Variants in FAM83D observed in about 807,000 individuals in gnomAD.
FAM83D encodes the protein protein FAM83D.
In FAM83D, 26 loss-of-function variants were observed where a neutral mutation model predicts 25.4. That is an observed-to-expected ratio of 1.02 (90% CI 0.75 to 1.42). The LOEUF (loss-of-function observed/expected upper bound fraction) is 1.42. FAM83D is among the 40% of genes most tolerant of loss of function. FAM83D has a pLI of 0.00. For missense variants in FAM83D, 740 were observed against 758.1 expected (o/e 0.98, Z 0.28); for synonymous variants, 310 against 318.5 (o/e 0.97, Z 0.28).
At chr20:38,935,020 T>G (rs1464691036) in intron 1 of FAM83D, among the ~76,000 whole-genome samples, 1 of 152,208 alleles carries the variant, frequency 6.6e-6, no homozygotes, top group African/African-American at 2.4e-5. Context: ...ATAATACACA[T>G]GTTTATATAA....
intron 1 of FAM83D, among the ~76,000 whole-genome samples, chr20:38,932,100 G>A (rs1301054854): frequency 6.6e-6 from 1 of 152,194 alleles, no homozygotes. Context: ...AAAACAAATG[G>A]TTTGGCCATG....
At chr20:38,936,268 G>C (rs1242895998) in intron 1 of FAM83D, among the ~76,000 whole-genome samples, 1 of 152,136 alleles carries the variant, frequency 6.6e-6, no homozygotes, top group Non-Finnish European at 1.5e-5. Flanking sequence ...GCCTGTTGGG[G>C]CTGCACATGT....
chr20:38,926,712 C>CG lies in FAM83D; in HGVS notation c.272dup (p.Ser92LeufsTer123). On this transcript the variant is annotated frameshift_variant, in exon 1 of 4. Transcript: ENST00000619850. LOFTEE classifies it high-confidence loss of function. ...CGGCGGCGGCGGCCGAGGACTCGTT[C>CG]GGCTCCTCGCACGACTGCTCTTCGG... The CG allele has an allele frequency of 6.6e-7, 1 of 1,520,858 alleles. No individual in the cohort carries two copies. Among genetic ancestry groups the CG allele is most frequent in the Non-Finnish European group, 8.8e-7 (1 of 1,141,084 alleles). The allele number at this position is 1,520,858 out of a possible 1,614,324, so 94.2% of individuals were successfully genotyped here. A position where few individuals can be genotyped will look rare whatever the true frequency, so the allele number is the denominator to read the frequency against.
chr20:38,940,702 G>A (rs1056912125), intron 1 of FAM83D, among the ~76,000 whole-genome samples: 2 of 152,138 alleles, frequency 1.3e-5, no homozygotes, highest in Admixed American at 6.5e-5. Flanking sequence ...TGGAGGTTTG[G>A]ACACCCCCAC....
intron 1 of FAM83D, among the ~76,000 whole-genome samples, chr20:38,936,766 C>T (rs904865583): frequency 6.6e-6 from 1 of 152,092 alleles, no homozygotes; most frequent in Non-Finnish European, 1.5e-5. Context: ...TTGGGGATGA[C>T]AGGTAATGGG....
At chr20:38,948,066 G>A (rs2085736661) in intron 3 of FAM83D, 66 bp downstream of exon 3, 6 of 1,580,774 alleles carry the variant, frequency 3.8e-6, no homozygotes, top group Non-Finnish European at 5.2e-6. Flanking sequence ...TCATGTAAAG[G>A]TAAAAGCCTT....
intron 2 of FAM83D, among the ~76,000 whole-genome samples, chr20:38,944,405 C>T (rs192310955): frequency 3.3e-5 from 5 of 152,290 alleles, no homozygotes; most frequent in Admixed American, 2.6e-4. Context: ...TGGAAAAGAG[C>T]ATTATCAGCT....
intron 1 of FAM83D, among the ~76,000 whole-genome samples, chr20:38,929,999 A>T (rs980653452): frequency 1.3e-5 from 2 of 151,890 alleles, no homozygotes; most frequent in African/African-American, 2.4e-5. Flanking sequence ...TAACCACCAC[A>T]CTCCCTGTGG....
chr20:38,934,722 G>T (rs1045202508), intron 1 of FAM83D, among the ~76,000 whole-genome samples: 1 of 152,184 alleles, frequency 6.6e-6, no homozygotes, highest in African/African-American at 2.4e-5. Flanking sequence ...TTCGTCAGTA[G>T]AGGATGAGTT....
rs2085761775 is a variant in FAM83D, at chr20:38,952,606, A to G, written c.*86A>G. 6 of 1,438,488 alleles carry G rather than the reference A, an allele frequency of 4.2e-6. No individual in the cohort carries two copies. In the East Asian group the frequency reaches 1.4e-4, roughly 33 times the overall value. 89.1% of individuals were successfully genotyped at this position (1,438,488 alleles called of 1,614,324 possible). On this transcript the variant is annotated 3_prime_UTR_variant, in exon 4 of 4. Transcript: ENST00000619850. ...GCTTTAAAAAATATCTTATGTCCCTAATTGCCTTTCTTTTACCTGACTTTG... is the reference window on the plus strand; with the variant it reads ...GCTTTAAAAAATATCTTATGTCCCTGATTGCCTTTCTTTTACCTGACTTTG...
intron 1 of FAM83D, among the ~76,000 whole-genome samples, chr20:38,936,518 A>G (rs925616274): frequency 6.6e-6 from 1 of 152,204 alleles, no homozygotes; most frequent in African/African-American, 2.4e-5. Context: ...GCTTGAGCCC[A>G]TGCACTTCAT....
intron 1 of FAM83D, among the ~76,000 whole-genome samples, chr20:38,928,608 T>C (rs754655206): frequency 6.6e-6 from 1 of 152,214 alleles, no homozygotes; most frequent in Non-Finnish European, 1.5e-5. Flanking sequence ...GTGAGAGCTG[T>C]GGATTGTTCT....
intron 1 of FAM83D, among the ~76,000 whole-genome samples, chr20:38,930,035 G>T (rs548077979): frequency 6.6e-6 from 1 of 152,204 alleles, no homozygotes; most frequent in Admixed American, 6.5e-5. Context: ...GTGCTCAGGT[G>T]GGGAGAGGTG....
At chr20:38,948,060 G>GTCTT (rs1568700041) in intron 3 of FAM83D, 60 bp downstream of exon 3, 1 of 1,590,534 alleles carries the variant, frequency 6.3e-7, no homozygotes, top group African/African-American at 1.4e-5. Flanking sequence ...AGCATGTCAT[G>GTCTT]TAAAGGTAAA....
Position 38,941,940 on chromosome 20 carries a change from T to C in FAM83D, c.484-19T>C. 6.2e-7 allele frequency: 1 copy of C among 1,613,170 alleles called. No individual in the cohort carries two copies. The highest frequency in any genetic ancestry group is 8.5e-7 in the Non-Finnish European group (1 of 1,179,942). ...TGTCCTATAAGCTTATCATGTGCTC[T>C]TCCCTGTTTCACCTGTAGGTGATTG... On this transcript the variant is annotated intron_variant, in intron 1 of 3. Transcript: ENST00000619850.
chr20:38,947,993 T>A lies in FAM83D; in HGVS notation c.769T>A (p.Ser257Thr). Residue 257 changes from serine to threonine, a missense_variant, in exon 3 of 4, where the codon TCC becomes ACC. Physicochemically the swap from Ser to Thr is moderately conservative, Grantham distance 58. Around this residue, in one of 3 missense-constraint regions of FAM83D, gnomAD observed 375 missense variants for 403.2 expected, o/e 0.93. Coordinates refer to ENST00000619850, the MANE Select transcript of FAM83D (RefSeq NM_030919.3). ...TGATGGCATCCGCGTGGCAACAGGC[T>A]CCTACAGGTAAGTCTCTAACCCGTC... is the stretch of plus-strand genomic sequence containing the variant. Reference protein sequence around the residue: ...LIDGIRVATGSYSFTWTDGKL... With the variant: ...LIDGIRVATGTYSFTWTDGKL... 1 of 1,614,198 alleles carries A rather than the reference T, an allele frequency of 6.2e-7. No individual in the cohort carries two copies. The highest frequency in any genetic ancestry group is 8.5e-7 in the Non-Finnish European group (1 of 1,180,028).
chr20:38,951,362 A>G (rs1285919249), intron 3 of FAM83D, among the ~76,000 whole-genome samples, 177 bp from the exon 4 acceptor site: 1 of 152,218 alleles, frequency 6.6e-6, no homozygotes, highest in African/African-American at 2.4e-5. Context: ...GGTAACACAC[A>G]TAAATGTTAT....
rs1315663915 is a variant in FAM83D, at chr20:38,952,316, G to A, written c.1554G>A (p.Leu518=). Residue 518 remains leucine, a synonymous_variant, in exon 4 of 4, where the codon CTG becomes CTA. Coordinates refer to ENST00000619850, the MANE Select transcript of FAM83D (RefSeq NM_030919.3). ...ACCTGGGCACCCCCCACCTGGAACT[G>A]TACTTGAGTGACTCACTTAGAAACT... is the stretch of plus-strand genomic sequence containing the variant. ...PKYLGTPHLE[L]YLSDSLRNLN... 6.2e-7 allele frequency: 1 copy of A among 1,614,154 alleles called. No individual in the cohort carries two copies. The highest frequency in any genetic ancestry group is 1.7e-5 in the Admixed American group (1 of 60,026).
intron 2 of FAM83D, among the ~76,000 whole-genome samples, chr20:38,943,190 A>T (rs2085710666): frequency 6.6e-6 from 1 of 151,968 alleles, no homozygotes; most frequent in African/African-American, 2.4e-5. Context: ...ACACCTGGCT[A>T]ATTTTTGTAT....
Sources: gnomAD v4.1 joint callset for allele counts (sites outside exome capture counted in the v4.1 genomes callset) on GRCh38, gnomAD v4.1.1 for gene constraint, gnomAD v4.1.1 regional missense constraint, MANE v1.5 for transcripts, NCBI Gene and HGNC (gene_info 2026-07-23, HGNC 2026-07-21) for gene names.